The following KCNJ3 variants were observed in gnomAD, a reference collection of about 807,000 sequenced individuals.
KCNJ3 encodes G protein-activated inward rectifier potassium channel 1.
In KCNJ3, 4 loss-of-function variants were observed where a neutral mutation model predicts 39.2. That is an observed-to-expected ratio of 0.10 (90% CI 0.05 to 0.23). The LOEUF (loss-of-function observed/expected upper bound fraction) is 0.23. Among genes scored for constraint, KCNJ3 ranks in the 10% least tolerant of loss-of-function variants. The probability of loss-of-function intolerance (pLI) is 1.00; values close to 1 mark genes in which losing one functional copy is unlikely to be tolerated. For missense variants in KCNJ3, 276 were observed against 634.9 expected, an observed-to-expected ratio of 0.43 and a Z score of 6.08; for synonymous variants, 230 against 237.4, an observed-to-expected ratio of 0.97 and a Z score of 0.29.
intron 2 of KCNJ3, among the ~76,000 whole-genome samples, chr2:154,772,718 G>A (rs1218907212): frequency 1.3e-5 from 2 of 152,004 alleles, no homozygotes; most frequent in East Asian, 1.9e-4. Context: ...TCTGAAGGCT[G>A]GGAGTCATTC....
chr2:154,808,910 A>C (rs1480653466), intron 2 of KCNJ3, among the ~76,000 whole-genome samples: 1 of 152,160 alleles, frequency 6.6e-6, no homozygotes, highest in African/African-American at 2.4e-5. Flanking sequence ...AGCATTTAAG[A>C]ATGAAAAGGG....
intron 2 of KCNJ3, among the ~76,000 whole-genome samples, chr2:154,750,608 A>G (rs1254908738): frequency 6.6e-6 from 1 of 152,000 alleles, no homozygotes; most frequent in African/African-American, 2.4e-5. Flanking sequence ...AGCAACAACA[A>G]TAAAAACCTT....
intron 2 of KCNJ3, among the ~76,000 whole-genome samples, chr2:154,724,616 G>T (rs1461332421): frequency 6.6e-6 from 1 of 151,590 alleles, no homozygotes; most frequent in Non-Finnish European, 1.5e-5. Context: ...TCAATTCCTG[G>T]AACTGTGCCA....
At chr2:154,780,449 G>T (rs1686417343) in intron 2 of KCNJ3, among the ~76,000 whole-genome samples, 1 of 152,174 alleles carries the variant, frequency 6.6e-6, no homozygotes, top group Admixed American at 6.5e-5. Context: ...GATAATGACT[G>T]CATTATCAGT....
chr2:154,847,340 C>T (rs1429430053), intron 2 of KCNJ3, among the ~76,000 whole-genome samples: 2 of 152,124 alleles, frequency 1.3e-5, no homozygotes, highest in East Asian at 3.9e-4. Flanking sequence ...GTTAGTGTTA[C>T]AGTTAATATA....
chr2:154,786,648 T>C (rs148306340), intron 2 of KCNJ3, among the ~76,000 whole-genome samples: 68 of 152,326 alleles, frequency 4.5e-4, no homozygotes, highest in Non-Finnish European at 7.8e-4. Flanking sequence ...TATTATTTAT[T>C]GCCCCTGGCC....
rs555576893 is a variant in KCNJ3 at position 154,741,715 on chromosome 2, C to T, written c.919+31896C>T. On this transcript the variant is annotated intron_variant, in intron 2 of 2. Coordinates refer to ENST00000295101, the MANE Select transcript of KCNJ3 (RefSeq NM_002239.4). ...GATTAAACATGTGAGTTTAGTTCCC[C>T]TCATTCTCCAAATTTCTTTGAAATG... is the stretch of plus-strand genomic sequence containing the variant. 1.1e-4 allele frequency among the ~76,000 whole-genome samples: 17 copies of T among 151,868 alleles called. No homozygotes were observed. The South Asian group carries it at 2.9e-3, about 26-fold the overall frequency.
intron 2 of KCNJ3, among the ~76,000 whole-genome samples, chr2:154,733,166 CT>C (rs891058526): frequency 2.0e-5 from 3 of 152,034 alleles, no homozygotes; most frequent in African/African-American, 7.2e-5. Context: ...TTCTATTTTA[CT>C]TTTTTTATTA....
intron 2 of KCNJ3, among the ~76,000 whole-genome samples, chr2:154,812,104 G>A (rs993376544): frequency 2.0e-5 from 3 of 152,088 alleles, no homozygotes; most frequent in Admixed American, 6.5e-5. Flanking sequence ...TGTTTAAGAT[G>A]CATTTTAAGA....
chr2:154,775,257 G>A (rs1283748245), intron 2 of KCNJ3, among the ~76,000 whole-genome samples: 5 of 151,998 alleles, frequency 3.3e-5, no homozygotes, highest in South Asian at 4.2e-4. Context: ...CAAAAGAATT[G>A]CCTTCTTCAT....
chr2:154,777,111 G>A (rs1252799577), intron 2 of KCNJ3, among the ~76,000 whole-genome samples: 1 of 151,930 alleles, frequency 6.6e-6, no homozygotes, highest in East Asian at 1.9e-4. Flanking sequence ...TTTGTCCGAT[G>A]GATCAAAATA....
intron 2 of KCNJ3, among the ~76,000 whole-genome samples, chr2:154,750,952 T>C (rs1157538886): frequency 6.6e-6 from 1 of 152,036 alleles, no homozygotes; most frequent in Non-Finnish European, 1.5e-5. Context: ...GAGTTTTGCA[T>C]ATTATCATTG....
At chr2:154,714,783 T>C (rs895258025) in intron 2 of KCNJ3, among the ~76,000 whole-genome samples, 1 of 152,218 alleles carries the variant, frequency 6.6e-6, no homozygotes, top group African/African-American at 2.4e-5. Flanking sequence ...TATTGTAGGC[T>C]AAACAATTCT....
chr2:154,754,658 T>G (rs2105184331), intron 2 of KCNJ3, among the ~76,000 whole-genome samples: 1 of 151,660 alleles, frequency 6.6e-6, no homozygotes, highest in South Asian at 2.1e-4. Flanking sequence ...ACTATTTTAC[T>G]TAGGGCTTAC....
intron 2 of KCNJ3, among the ~76,000 whole-genome samples, chr2:154,753,714 G>A (rs576240031): frequency 4.0e-5 from 2 of 49,596 alleles, no homozygotes; most frequent in East Asian, 2.1e-3. Flanking sequence ...GGGAAGGGCT[G>A]ACTGTGGCAT....
intron 2 of KCNJ3, among the ~76,000 whole-genome samples, chr2:154,814,015 T>C (rs1687042577): frequency 6.6e-6 from 1 of 152,234 alleles, no homozygotes; most frequent in Admixed American, 6.5e-5. Context: ...TATTTGCCAC[T>C]GACTGGTCAA....
At chr2:154,753,894 A>G (rs1435756601) in intron 2 of KCNJ3, among the ~76,000 whole-genome samples, 1 of 152,214 alleles carries the variant, frequency 6.6e-6, no homozygotes, top group Non-Finnish European at 1.5e-5. Flanking sequence ...TGTAATTAGC[A>G]GAGTTCCCAC....
At chr2:154,726,413 C>T (rs1685359214) in intron 2 of KCNJ3, among the ~76,000 whole-genome samples, 1 of 152,088 alleles carries the variant, frequency 6.6e-6, no homozygotes, top group Non-Finnish European at 1.5e-5. Flanking sequence ...CAAAGCAATA[C>T]TACCTTACTC....
intron 2 of KCNJ3, among the ~76,000 whole-genome samples, chr2:154,794,656 G>A (rs937684552): frequency 6.6e-6 from 1 of 152,000 alleles, no homozygotes; most frequent in Non-Finnish European, 1.5e-5. Flanking sequence ...TGCCCTCAAA[G>A]TCATAATGAA....
Sources: allele counts gnomAD v4.1 joint callset (sites outside exome capture counted in the v4.1 genomes callset), GRCh38; gene constraint gnomAD v4.1.1; transcripts MANE v1.5; gene names NCBI Gene and HGNC (gene_info 2026-07-23, HGNC 2026-07-21).